The following NREP variants were observed in gnomAD, a reference collection of about 807,000 sequenced individuals.
NREP encodes neuronal regeneration related protein.
NREP carries 5 observed loss-of-function variants against 8.6 expected under a neutral mutation model. The observed-to-expected ratio is 0.58, with a 90% CI of 0.30 to 1.22. NREP has a LOEUF of 1.22. Among genes scored for constraint, NREP ranks in the 50% most tolerant of loss-of-function variants. NREP has a pLI of 0.07. For synonymous variants in NREP, 27 were observed against 28.0 expected, an observed-to-expected ratio of 0.96 and a Z score of 0.11; for missense variants, 86 against 82.5, an observed-to-expected ratio of 1.04 and a Z score of -0.17.
intron 2 of NREP, among the ~76,000 whole-genome samples, chr5:111,868,856 T>A (rs1389214952): frequency 2.0e-5 from 3 of 152,026 alleles, no homozygotes; most frequent in African/African-American, 7.2e-5. Flanking sequence ...TTACCACAAT[T>A]GTGAATTTTC....
At chr5:111,882,589 G>C (rs1754113375) in intron 2 of NREP, among the ~76,000 whole-genome samples, 2 of 152,164 alleles carry the variant, frequency 1.3e-5, no homozygotes, top group African/African-American at 2.4e-5. Context: ...AGAAAGGCTG[G>C]GTTACCCACA....
At chr5:111,814,861 G>T (rs1216234379) in intron 2 of NREP, among the ~76,000 whole-genome samples, 1 of 151,596 alleles carries the variant, frequency 6.6e-6, no homozygotes, top group Non-Finnish European at 1.5e-5. Context: ...AGGAACTGAG[G>T]AATATTGAGT....
chr5:111,774,620 G>A (rs1751315038), intron 2 of NREP, among the ~76,000 whole-genome samples: 1 of 152,178 alleles, frequency 6.6e-6, no homozygotes, highest in Non-Finnish European at 1.5e-5. Flanking sequence ...AATATAACTG[G>A]CAGTGCAGAT....
upstream of NREP, chr5:111,757,426 G>GTC (rs897567585): frequency 1.4e-4 from 133 of 980,874 alleles, no homozygotes; most frequent in Middle Eastern, 5.2e-4. Context: ...TTCTCTAAGA[G>GTC]TCTCTCTCTC....
intron 2 of NREP, among the ~76,000 whole-genome samples, chr5:111,972,364 G>A (rs924968986): frequency 6.6e-6 from 1 of 152,146 alleles, no homozygotes; most frequent in Non-Finnish European, 1.5e-5. Flanking sequence ...ATTAAAAATA[G>A]AACTATCATA....
intron 2 of NREP, among the ~76,000 whole-genome samples, chr5:111,796,979 C>T (rs764422524): frequency 6.6e-6 from 1 of 151,792 alleles, no homozygotes; most frequent in Non-Finnish European, 1.5e-5. Context: ...CCAATGGGGC[C>T]CATACTGCTA....
intron 2 of NREP, among the ~76,000 whole-genome samples, chr5:111,878,746 C>A (rs899632847): frequency 2.0e-5 from 3 of 152,162 alleles, no homozygotes; most frequent in East Asian, 1.9e-4. Context: ...TCCCCCACCC[C>A]CCTGCCACTT....
intron 2 of NREP, among the ~76,000 whole-genome samples, chr5:111,853,262 G>A (rs1344212260): frequency 6.6e-6 from 1 of 152,098 alleles, no homozygotes; most frequent in East Asian, 1.9e-4. Context: ...AATAGGTGGA[G>A]CACAGGGAAA....
rs572685881 is a variant in NREP at position 111,748,180 on chromosome 5, A to T, written c.3+7590T>A. On this transcript the variant is annotated intron_variant, in intron 2 of 3. Coordinates refer to ENST00000257435, the MANE Select transcript of NREP (RefSeq NM_004772.4). ...GGACCTCTTCTGCCCAAAGGAGTGC[A>T]AAAGAATGGAACACAGAATTTTAGG... Among the ~76,000 whole-genome samples, 26 of 152,276 alleles carry T rather than the reference A, an allele frequency of 1.7e-4. 1 individual carries two copies. Among genetic ancestry groups the T allele is most frequent in the South Asian group, 1.0e-3 (5 of 4,824 alleles).
At chr5:111,883,031 C>A (rs1754130797) in intron 2 of NREP, among the ~76,000 whole-genome samples, 2 of 152,266 alleles carry the variant, frequency 1.3e-5, no homozygotes, top group Admixed American at 6.5e-5. Flanking sequence ...CACAGACTGG[C>A]AAATTGGATG....
chr5:111,784,938 A>G (rs910889436), intron 2 of NREP, among the ~76,000 whole-genome samples: 2 of 152,158 alleles, frequency 1.3e-5, no homozygotes, highest in Non-Finnish European at 2.9e-5. Flanking sequence ...GTGCTTGAGC[A>G]GGGGGGAGCT....
At chr5:111,795,524 G>C (rs998170224) in intron 2 of NREP, among the ~76,000 whole-genome samples, 7 of 152,038 alleles carry the variant, frequency 4.6e-5, no homozygotes, top group African/African-American at 1.7e-4. Flanking sequence ...TAATAGTCTA[G>C]GACTTCTTTT....
At chr5:111,802,625 C>A (rs975125483) in intron 2 of NREP, among the ~76,000 whole-genome samples, 2 of 152,106 alleles carry the variant, frequency 1.3e-5, no homozygotes, top group East Asian at 1.9e-4. Context: ...AAAAATGTCA[C>A]CTGAAGTGCA....
intron 2 of NREP, among the ~76,000 whole-genome samples, chr5:111,899,134 A>G (rs1754582218): frequency 6.6e-6 from 1 of 152,216 alleles, no homozygotes; most frequent in Admixed American, 6.6e-5. Context: ...AATATCATAA[A>G]AACACACAAA....
chr5:111,900,764 TAA>T (rs58169113), intron 2 of NREP, among the ~76,000 whole-genome samples: 3 of 151,912 alleles, frequency 2.0e-5, no homozygotes, highest in Admixed American at 2.0e-4. Flanking sequence ...GAAACAGTAA[TAA>T]AAAAAGTCTC....
intron 2 of NREP, among the ~76,000 whole-genome samples, chr5:111,901,787 A>T (rs138578771): frequency 1.9e-3 from 292 of 152,296 alleles, no homozygotes; most frequent in African/African-American, 6.9e-3. Context: ...TAAAATACTG[A>T]TGAAAGAAAC....
At chr5:111,798,988 A>G (rs1490975978) in intron 2 of NREP, among the ~76,000 whole-genome samples, 1 of 152,178 alleles carries the variant, frequency 6.6e-6, no homozygotes, top group Non-Finnish European at 1.5e-5. Context: ...TTAGTTCTTT[A>G]AGAAATCTCC....
At chr5:111,943,961 C>T (rs996117523) in intron 2 of NREP, among the ~76,000 whole-genome samples, 13 of 151,984 alleles carry the variant, frequency 8.6e-5, no homozygotes, top group Non-Finnish European at 1.3e-4. Context: ...GGTTTTCTAT[C>T]GCTTCAAAGC....
chr5:111,907,071 C>T (rs1426545017), intron 2 of NREP, among the ~76,000 whole-genome samples: 2 of 152,036 alleles, frequency 1.3e-5, no homozygotes, highest in Admixed American at 6.6e-5. Flanking sequence ...CACCCAGCCT[C>T]TCTGTATACT....
Sources: allele counts gnomAD v4.1 joint callset (sites outside exome capture counted in the v4.1 genomes callset), GRCh38; gene constraint gnomAD v4.1.1; transcripts MANE v1.5; gene names NCBI Gene and HGNC (gene_info 2026-07-23, HGNC 2026-07-21).